Variants in LAMA1 observed in about 807,000 individuals in gnomAD.
LAMA1 encodes the protein laminin subunit alpha 1.
In LAMA1, 219 loss-of-function variants were observed where a neutral mutation model predicts 348.7. That is an observed-to-expected ratio of 0.63 (90% CI 0.56 to 0.70). The LOEUF (loss-of-function observed/expected upper bound fraction) is 0.70, where lower values mean the gene tolerates loss of function less well. LAMA1 is among the 30% of genes least tolerant of loss of function. The probability of loss-of-function intolerance (pLI) is 0.00; values close to 1 mark genes in which losing one functional copy is unlikely to be tolerated. For synonymous variants in LAMA1, 1,487 were observed against 1,491.0 expected (o/e 1.00, Z 0.06); for missense variants, 3,744 against 3,888.0 (o/e 0.96, Z 0.99).
In LAMA1 at chr18:7,080,381, C is replaced by T. The variant is rs774667664; in HGVS notation, c.138G>A (p.Pro46=). ...GCTCCACAAGTTTGCAGAACATCTC[C>T]GGCCCCTTCTCGCCACAGGTGGCAT... ...STNATCGEKG[P]EMFCKLVEHV... is the part of the protein sequence containing the mutation. Residue 46 remains proline, a synonymous_variant, in exon 2 of 63, where the codon CCG becomes CCA. Coordinates refer to ENST00000389658, the MANE Select transcript of LAMA1 (RefSeq NM_005559.4). 6.2e-6 allele frequency: 10 copies of T among 1,614,138 alleles called. No individual in the cohort carries two copies. Among genetic ancestry groups the T allele is most frequent in the Admixed American group, 3.3e-5 (2 of 60,006 alleles).
chr18:7,106,493 C>T (rs903686282), intron 1 of LAMA1, among the ~76,000 whole-genome samples: 2 of 151,582 alleles, frequency 1.3e-5, no homozygotes, highest in South Asian at 2.1e-4. Context: ...CCAAGTAGCT[C>T]GGACTACAGG....
At chr18:7,015,223 G>A (rs1010505780) in intron 22 of LAMA1, among the ~76,000 whole-genome samples, 2 of 152,138 alleles carry the variant, frequency 1.3e-5, no homozygotes, top group Non-Finnish European at 1.5e-5. Context: ...TCTTAAGGGT[G>A]TCCTGTCTTC....
intron 32 of LAMA1, among the ~76,000 whole-genome samples, chr18:6,998,950 T>C (rs1600382931): frequency 6.6e-6 from 1 of 152,274 alleles, no homozygotes; most frequent in South Asian, 2.1e-4. Flanking sequence ...GAGGAATCAC[T>C]TGAGTCCAGG....
At chr18:6,989,520 T>C (rs138994454) in intron 36 of LAMA1, among the ~76,000 whole-genome samples, 17 of 152,302 alleles carry the variant, frequency 1.1e-4, no homozygotes, top group Middle Eastern at 3.4e-3. Flanking sequence ...AATCCATGTA[T>C]TTTGAAATGG....
chr18:7,032,243 G>T, intron 15 of LAMA1, 67 bp from the exon 16 acceptor site: 1 of 976,582 alleles, frequency 1.0e-6, no homozygotes, highest in Non-Finnish European at 1.6e-6. Context: ...AGTTGCCAGA[G>T]TACAGAAATG....
At chr18:6,981,549 C>A (rs622150) in intron 41 of LAMA1, among the ~76,000 whole-genome samples, 1 of 152,166 alleles carries the variant, frequency 6.6e-6, no homozygotes, top group Non-Finnish European at 1.5e-5. Context: ...TTTTAATTGC[C>A]AGCAAGCTCC....
chr18:7,022,521 C>T (rs992153943), intron 19 of LAMA1, among the ~76,000 whole-genome samples: 2 of 152,138 alleles, frequency 1.3e-5, no homozygotes, highest in African/African-American at 4.8e-5. Context: ...GTATGACTGG[C>T]GTTTATATGA....
Position 6,973,050 on chromosome 18 carries a change from A to G in LAMA1, c.6774+7T>C. On this transcript the variant is annotated splice_region_variant and intron_variant, in intron 47 of 62. Transcript: ENST00000389658. Reference sequence around the variant, plus strand: ...AGTCCTGTTCAGAAGAACTTTCGTAATGTTACCTTGATTTGTCCTCCAAGA... The same window carrying G: ...AGTCCTGTTCAGAAGAACTTTCGTAGTGTTACCTTGATTTGTCCTCCAAGA... 1.2e-6 allele frequency: 2 copies of G among 1,614,148 alleles called. No individual in the cohort carries two copies. The highest frequency in any genetic ancestry group is 2.2e-5 in the South Asian group (2 of 91,078).
At position 6,962,039 on chromosome 18, in the gene LAMA1, C is replaced by G; in HGVS notation, c.7358G>C (p.Ser2453Thr). 1 of 1,614,032 alleles carries G rather than the reference C, an allele frequency of 6.2e-7. No homozygotes were observed. Among genetic ancestry groups the G allele is most frequent in the South Asian group, 1.1e-5 (1 of 91,078 alleles). ...RVVRRGVTTK[S>T]FVGCIKNLEI... The stretch of plus-strand genomic sequence containing the variant: ...CAGGTTCTTGATGCAGCCCACAAAG[C>G]TTTTGGTGGTGACACCTCTCCTGTA... Residue 2453 changes from serine to threonine, a missense_variant, in exon 52 of 63, where the codon AGC (serine) becomes ACC (threonine). Ser to Thr is a moderately conservative substitution (Grantham distance 58). Transcript: ENST00000389658.
At position 6,974,942 on chromosome 18, in the gene LAMA1, G is replaced by A. The variant is rs768326863; in HGVS notation, c.6584C>T (p.Pro2195Leu). The A allele has an allele frequency of 2.5e-6, 4 of 1,614,018 alleles. No individual in the cohort carries two copies. Among genetic ancestry groups the A allele is most frequent in the Non-Finnish European group, 3.4e-6 (4 of 1,180,014 alleles). ...ACTGTGCCATCTGTTGTCATCAATG[G>A]GAAAGTCTGGAAACTCCAAGCGTGT... Reference protein sequence around the residue: ...GSTRLEFPDFPIDDNRWHSIH... With the variant: ...GSTRLEFPDFLIDDNRWHSIH... Residue 2195 changes from proline (P) to leucine (L), a missense_variant, in exon 46 of 63, where the codon CCC becomes CTC. Physicochemically the swap from Pro to Leu is moderately conservative, Grantham distance 98. This residue lies in a region of LAMA1 where 1,983 missense variants were observed against 1,934.3 expected (regional missense o/e 1.03). Coordinates refer to ENST00000389658, the MANE Select transcript of LAMA1 (RefSeq NM_005559.4).
intron 3 of LAMA1, among the ~76,000 whole-genome samples, chr18:7,077,325 C>A (rs1156639301): frequency 1.3e-5 from 2 of 151,794 alleles, no homozygotes; most frequent in Admixed American, 6.6e-5. Flanking sequence ...CCTCAGCCTC[C>A]CGAGTAGCTG....
At chr18:6,977,371 A>C (rs2057687329) in intron 44 of LAMA1, among the ~76,000 whole-genome samples, 1 of 152,242 alleles carries the variant, frequency 6.6e-6, no homozygotes, top group Non-Finnish European at 1.5e-5. Flanking sequence ...CTAACACCAC[A>C]TGCAACCCAT....
At chr18:7,006,292 G>C (rs2144105341) in intron 29 of LAMA1, among the ~76,000 whole-genome samples, 1 of 152,182 alleles carries the variant, frequency 6.6e-6, no homozygotes, top group Non-Finnish European at 1.5e-5. Flanking sequence ...GACCAATCTT[G>C]GCCTAGGAGA....
At chr18:7,023,734 G>C (rs658209) in intron 18 of LAMA1, among the ~76,000 whole-genome samples, 69,493 of 151,768 alleles carry the variant, frequency 0.46, 18,105 homozygotes, top group African/African-American at 0.72. Context: ...GCCAGAAGAC[G>C]GCTACTAAAG....
At chr18:7,092,319 T>G (rs573735842) in intron 1 of LAMA1, among the ~76,000 whole-genome samples, 38 of 152,342 alleles carry the variant, frequency 2.5e-4, no homozygotes, top group African/African-American at 8.9e-4. Context: ...CAGTTCCAAC[T>G]GAGAAGCTGT....
intron 1 of LAMA1, among the ~76,000 whole-genome samples, chr18:7,101,523 T>C (rs1171973827): frequency 1.3e-5 from 2 of 152,218 alleles, no homozygotes; most frequent in East Asian, 3.9e-4. Flanking sequence ...ATGTTCATAA[T>C]GTGTATTGCA....
rs184014066 is a variant in LAMA1, at chr18:6,957,923, G to A, written c.7964+554C>T. On this transcript the variant is annotated intron_variant, in intron 55 of 62. Coordinates refer to ENST00000389658, the MANE Select transcript of LAMA1 (RefSeq NM_005559.4). ...AGCCTCCGGAGTAGCTGGGATTACA[G>A]GTGCCTGCCACCACACCCGGCTAAT... Among the ~76,000 whole-genome samples, 326 of 152,228 alleles carry A rather than the reference G, an allele frequency of 2.1e-3. 1 individual carries two copies. The highest frequency in any genetic ancestry group is 2.0e-3 in the Non-Finnish European group (134 of 68,006).
chr18:7,024,369 A>G lies in LAMA1; in HGVS notation c.2489+11T>C. On this transcript the variant is annotated intron_variant, in intron 18 of 62. Transcript: ENST00000389658. ...TTCGAAAATGTGTTGAAGCCAGTGGATGCAGAGTACCTCTCACACCAAGCT... is the reference window on the plus strand; with the variant it reads ...TTCGAAAATGTGTTGAAGCCAGTGGGTGCAGAGTACCTCTCACACCAAGCT... The G allele has an allele frequency of 1.2e-6, 2 of 1,608,978 alleles. No homozygotes were observed. Among genetic ancestry groups the G allele is most frequent in the Non-Finnish European group, 1.7e-6 (2 of 1,175,472 alleles).
At chr18:6,988,681 C>A (rs1304616359) in intron 36 of LAMA1, among the ~76,000 whole-genome samples, 3 of 151,874 alleles carry the variant, frequency 2.0e-5, no homozygotes, top group Admixed American at 6.6e-5. Context: ...ATGGTAGGTG[C>A]CCGTAATCCC....
Sources: gnomAD v4.1 joint callset for allele counts (sites outside exome capture counted in the v4.1 genomes callset) on GRCh38, gnomAD v4.1.1 for gene constraint, gnomAD v4.1.1 regional missense constraint, MANE v1.5 for transcripts, NCBI Gene and HGNC (gene_info 2026-07-23, HGNC 2026-07-21) for gene names.